The following PER3 variants were observed in gnomAD, a reference collection of about 807,000 sequenced individuals.
PER3 encodes the protein period circadian regulator 3, also known as period circadian protein homolog 3.
A neutral mutation model predicts 127.2 loss-of-function variants in PER3; 107 were observed. The ratio of observed to expected loss-of-function variants is 0.84; its 90% CI spans 0.72 to 0.99. The LOEUF is 0.99. Among genes scored for constraint, PER3 ranks in the 50% least tolerant of loss-of-function variants. The pLI is 0.00. For synonymous variants in PER3, 618 were observed against 585.8 expected (o/e 1.05, Z -0.79); for missense variants, 1,560 against 1,525.8 (o/e 1.02, Z -0.37).
chr1:7,833,310 C>T (rs2097341798), intron 19 of PER3, among the ~76,000 whole-genome samples: 1 of 152,112 alleles, frequency 6.6e-6, no homozygotes, highest in Middle Eastern at 3.2e-3. Context: ...GTTGATCCAA[C>T]CTTTTCTAAC....
At chr1:7,816,684 A>C (rs1577834314) in intron 13 of PER3, among the ~76,000 whole-genome samples, 1 of 152,234 alleles carries the variant, frequency 6.6e-6, no homozygotes, top group Non-Finnish European at 1.5e-5. Flanking sequence ...AAGTGTTGAC[A>C]AGGACACAGA....
chr1:7,806,810 A>ATATAT (rs60458932), intron 10 of PER3, among the ~76,000 whole-genome samples: 5,322 of 73,784 alleles, frequency 0.072, 160 homozygotes, highest in East Asian at 0.15. Context: ...AAAAAAAAAA[A>ATATAT]AAATATATAT....
chr1:7,799,401 G>A (rs1425219166), intron 7 of PER3, among the ~76,000 whole-genome samples: 4 of 152,036 alleles, frequency 2.6e-5, no homozygotes, highest in Admixed American at 2.0e-4. Context: ...TTAGGAGTTC[G>A]AGACCAGCCT....
chr1:7,837,459 A>G (rs1424028218), intron 21 of PER3, among the ~76,000 whole-genome samples: 4 of 152,182 alleles, frequency 2.6e-5, no homozygotes, highest in Non-Finnish European at 5.9e-5. Context: ...TTGATGTGTG[A>G]TTGACTGCAT....
At chr1:7,799,071 G>A (rs1181060365) in intron 7 of PER3, among the ~76,000 whole-genome samples, 1 of 152,162 alleles carries the variant, frequency 6.6e-6, no homozygotes, top group Non-Finnish European at 1.5e-5. Context: ...TGAGTAAAAT[G>A]TATATTTTAT....
At chr1:7,790,145 T>C (rs1297733416) in intron 5 of PER3, among the ~76,000 whole-genome samples, 6 of 152,238 alleles carry the variant, frequency 3.9e-5, no homozygotes, top group Non-Finnish European at 7.3e-5. Context: ...TTTTTGCTGA[T>C]TACTGATTAC....
At chr1:7,785,884 T>C (rs149574542) in intron 3 of PER3, among the ~76,000 whole-genome samples, 3 of 152,328 alleles carry the variant, frequency 2.0e-5, no homozygotes, top group East Asian at 1.9e-4. Flanking sequence ...TAAAGAAATA[T>C]TGTCTTCTAT....
At chr1:7,830,682 T>C (rs1484899590) in intron 19 of PER3, among the ~76,000 whole-genome samples, 1 of 152,222 alleles carries the variant, frequency 6.6e-6, no homozygotes, top group East Asian at 1.9e-4. Flanking sequence ...CAATATACTT[T>C]CTTTACATTG....
Position 7,808,874 on chromosome 1 carries a change from C to G in PER3, c.1137-19C>G, listed in dbSNP as rs2097207132. On this transcript the variant is annotated intron_variant, in intron 10 of 21. Coordinates refer to ENST00000377532, the MANE Select transcript of PER3 (RefSeq NM_001377275.1). ...TCATTTAAATTGTTTGACTCAGTCT[C>G]TCACTGGGCATTTTCTAGGAGCCCA... 2 of 1,271,086 alleles carry G rather than the reference C, an allele frequency of 1.6e-6. No individual in the cohort carries two copies. The highest frequency in any genetic ancestry group is 2.3e-6 in the Non-Finnish European group (2 of 867,964). The allele number at this position is 1,271,086 out of a possible 1,614,324, so 78.7% of individuals were successfully genotyped here. A position where few individuals can be genotyped will look rare whatever the true frequency, so the allele number is the denominator to read the frequency against.
chr1:7,827,525 T>A lies in PER3; in HGVS notation c.2596T>A (p.Cys866Ser). 1 of 1,614,224 alleles carries A rather than the reference T, an allele frequency of 6.2e-7. No homozygotes were observed. Among genetic ancestry groups the A allele is most frequent in the African/African-American group, 1.3e-5 (1 of 75,056 alleles). ...CGTTTTCCTGCCTGACCCCCCTGTC[T>A]GTCCTCTGTTGTCGCCATCGTTTTT... ...MTVFLPDPPV[C>S]PLLSPSFLPC... The change falls in exon 18 of 22, where the codon TGT (cysteine) becomes AGT (serine). Residue 866 changes from cysteine to serine, a missense_variant. Coordinates refer to ENST00000377532, the MANE Select transcript of PER3 (RefSeq NM_001377275.1).
chr1:7,798,694 C>A, intron 7 of PER3, 21 bp downstream of exon 7: 1 of 1,593,590 alleles, frequency 6.3e-7, no homozygotes, highest in Admixed American at 1.7e-5. Context: ...AGATAAGATG[C>A]AGAAATGTCA....
At chr1:7,841,123 T>TA (rs930284618) in intron 21 of PER3, among the ~76,000 whole-genome samples, 4 of 152,142 alleles carry the variant, frequency 2.6e-5, no homozygotes, top group Non-Finnish European at 5.9e-5. Context: ...GTTAATGAGC[T>TA]AAAAAATAAT....
At chr1:7,801,419 A>G (rs1221446407) in intron 8 of PER3, among the ~76,000 whole-genome samples, 1 of 152,234 alleles carries the variant, frequency 6.6e-6, no homozygotes, top group Admixed American at 6.5e-5. Context: ...AGTATGCTTT[A>G]GGTAGGCCAA....
chr1:7,801,507 G>T (rs74834598), intron 8 of PER3, among the ~76,000 whole-genome samples: 2 of 152,190 alleles, frequency 1.3e-5, no homozygotes, highest in African/African-American at 4.8e-5. Flanking sequence ...ATCTGATTGC[G>T]CTCAAACTGG....
At chr1:7,802,867 G>C (rs1221225853) in intron 8 of PER3, among the ~76,000 whole-genome samples, 180 bp from the exon 9 acceptor site, 1 of 152,240 alleles carries the variant, frequency 6.6e-6, no homozygotes, top group Non-Finnish European at 1.5e-5. Flanking sequence ...ACATGTGTTA[G>C]ATTATACAGC....
At chr1:7,824,199 A>C (rs2097290974) in intron 16 of PER3, among the ~76,000 whole-genome samples, 1 of 152,250 alleles carries the variant, frequency 6.6e-6, no homozygotes, top group Non-Finnish European at 1.5e-5. Context: ...AATGATCTAA[A>C]GTTACAGTTT....
rs772276322 is a variant in PER3 at position 7,810,557 on chromosome 1, G to A, written c.1491G>A (p.Pro497=). Residue 497 remains proline, a synonymous_variant, in exon 13 of 22, where the codon CCG becomes CCA. Coordinates refer to ENST00000377532, the MANE Select transcript of PER3 (RefSeq NM_001377275.1). ...CAGTGACGGGGACACGCACAGAACC[G>A]AATGGTGGTGGTGAGTCAGCGAATG... The part of the protein sequence containing the change: ...FKPVTGTRTE[P]NGGGESANGG... The A allele has an allele frequency of 5.5e-5, 88 of 1,612,068 alleles. No homozygotes were observed. Among genetic ancestry groups the A allele is most frequent in the Non-Finnish European group, 6.9e-5 (81 of 1,179,250 alleles).
chr1:7,829,949 CA>C lies in PER3; in HGVS notation c.3003del (p.Gly1002AspfsTer5), dbSNP rs1464727908. The part of the protein sequence containing the change: ...PSHPTASALS[T>X]GSPPMKNPSH... Reference sequence around the variant, plus strand: ...CATCCTACTGCCAGCGCTCTGTCCACAGGATCGCCTCCCATGAAGAATCCAT... The same window carrying C: ...CATCCTACTGCCAGCGCTCTGTCCACGGATCGCCTCCCATGAAGAATCCAT... On this transcript the variant is annotated frameshift_variant, in exon 19 of 22. Transcript: ENST00000377532. LOFTEE classifies it high-confidence loss of function. 128 of 1,269,672 alleles carry C rather than the reference CA, an allele frequency of 1.0e-4. No homozygotes were observed. Among genetic ancestry groups the C allele is most frequent in the South Asian group, 4.1e-4 (23 of 56,252 alleles). The allele number at this position is 1,269,672 out of a possible 1,614,324, so 78.7% of individuals were successfully genotyped here.
intron 8 of PER3, among the ~76,000 whole-genome samples, chr1:7,802,657 C>T (rs935016746): frequency 3.9e-5 from 6 of 152,310 alleles, no homozygotes; most frequent in South Asian, 2.1e-4. Flanking sequence ...TTCTACGTTA[C>T]GATGTGCTTT....
Sources: gnomAD v4.1 joint callset for allele counts (sites outside exome capture counted in the v4.1 genomes callset) on GRCh38, gnomAD v4.1.1 for gene constraint, MANE v1.5 for transcripts, NCBI Gene and HGNC (gene_info 2026-07-23, HGNC 2026-07-21) for gene names.